Variants in ARMC2 observed in about 807,000 individuals in gnomAD.
ARMC2 encodes armadillo repeat-containing protein 2.
In ARMC2, 67 loss-of-function variants were observed where a neutral mutation model predicts 90.3. The observed-to-expected ratio is 0.74, with a 90% CI of 0.61 to 0.91. ARMC2 has a LOEUF of 0.91. ARMC2 is among the 40% of genes least tolerant of loss of function. ARMC2 has a pLI of 0.00. For missense variants in ARMC2, 920 were observed against 1,030.9 expected (o/e 0.89, Z 1.47); for synonymous variants, 393 against 393.0 (o/e 1.00, Z 0.00).
chr6:108,872,470 C>G (rs1039654015), intron 4 of ARMC2, among the ~76,000 whole-genome samples: 4 of 152,188 alleles, frequency 2.6e-5, no homozygotes. Context: ...GCCATGCTGC[C>G]TCCATCCCTC....
chr6:108,898,297 C>T (rs1448538132), intron 6 of ARMC2, among the ~76,000 whole-genome samples: 3 of 152,194 alleles, frequency 2.0e-5, no homozygotes, highest in Non-Finnish European at 2.9e-5. Flanking sequence ...TCTCTCTCTT[C>T]CAACCTCTCA....
the ARMC2 span, chr6:109,002,398 A>G: frequency 7.1e-7 from 1 of 1,415,090 alleles, no homozygotes; most frequent in Non-Finnish European, 1.0e-6. Context: ...AAATGAACTG[A>G]GGCTAAAGGA....
In ARMC2 at chr6:108,974,394, A is replaced by G. The variant is rs1272766004; in HGVS notation, c.*880A>G. 1 of 152,258 alleles carries G rather than the reference A, an allele frequency of 6.6e-6. No homozygotes were observed. Among genetic ancestry groups the G allele is most frequent in the African/African-American group, 2.4e-5 (1 of 41,472 alleles). The allele number at this position is 152,258 out of a possible 1,614,324, so 9.4% of individuals were successfully genotyped here. On this transcript the variant is annotated 3_prime_UTR_variant, in exon 18 of 18. Coordinates refer to ENST00000392644, the MANE Select transcript of ARMC2 (RefSeq NM_032131.6). ...TATCATGTGGAGTGGGTGTTCAAGAACATTATGATGGCAAGCACTTTCTTA... is the reference window on the plus strand; with the variant it reads ...TATCATGTGGAGTGGGTGTTCAAGAGCATTATGATGGCAAGCACTTTCTTA...
chr6:108,850,123 T>C (rs1188193227), intron 1 of ARMC2, among the ~76,000 whole-genome samples: 2 of 152,182 alleles, frequency 1.3e-5, no homozygotes, highest in Non-Finnish European at 2.9e-5. Context: ...GTTATAAACT[T>C]CTATAAATTA....
the ARMC2 span, among the ~76,000 whole-genome samples, chr6:108,986,004 C>CACACT: frequency 1.3e-5 from 2 of 152,132 alleles, no homozygotes; most frequent in African/African-American, 2.4e-5. Flanking sequence ...CCCCTACTTC[C>CACACT]ACACTACCCC....
chr6:109,047,958 G>A, the ARMC2 span, among the ~76,000 whole-genome samples: 23 of 146,900 alleles, frequency 1.6e-4, no homozygotes, highest in African/African-American at 4.2e-4. Flanking sequence ...CAAACACTGC[G>A]GAAGGCCACA....
At chr6:108,906,109 T>A (rs12175050) in intron 8 of ARMC2, among the ~76,000 whole-genome samples, 1 of 152,192 alleles carries the variant, frequency 6.6e-6, no homozygotes, top group Non-Finnish European at 1.5e-5. Context: ...TACTGGCAAA[T>A]GAAAGTTTTC....
rs569923420 is a variant in ARMC2 at position 108,949,002 on chromosome 6, A to G, written c.1597-4031A>G. Among the ~76,000 whole-genome samples, 10 of 152,288 alleles carry G rather than the reference A, an allele frequency of 6.6e-5. No individual in the cohort carries two copies. The South Asian group carries it at 1.9e-3, about 28-fold the overall frequency. On this transcript the variant is annotated intron_variant, in intron 12 of 17. Coordinates refer to ENST00000392644, the MANE Select transcript of ARMC2 (RefSeq NM_032131.6). ...GAGAAAAGCAAGACCAGGTAGATGG[A>G]GGTGAAACGGCAAGGCCTAGGAAGA...
intron 12 of ARMC2, among the ~76,000 whole-genome samples, chr6:108,947,025 A>G (rs1045634816): frequency 3.3e-5 from 5 of 152,168 alleles, no homozygotes; most frequent in Non-Finnish European, 7.4e-5. Flanking sequence ...TAGGCAGTAG[A>G]TGTTTTTGAG....
intron 11 of ARMC2, among the ~76,000 whole-genome samples, chr6:108,934,136 C>T (rs922642236): frequency 3.3e-5 from 5 of 152,208 alleles, no homozygotes; most frequent in African/African-American, 1.2e-4. Context: ...TGCTGGATTA[C>T]AGGCGTGAGC....
chr6:108,905,050 A>G (rs1217144840), intron 8 of ARMC2, among the ~76,000 whole-genome samples: 2 of 152,226 alleles, frequency 1.3e-5, no homozygotes, highest in African/African-American at 4.8e-5. Context: ...TCACAGCCAT[A>G]AACAGTTGGA....
chr6:108,970,955 G>T (rs889078839), intron 17 of ARMC2, among the ~76,000 whole-genome samples: 3 of 152,100 alleles, frequency 2.0e-5, no homozygotes, highest in Non-Finnish European at 4.4e-5. Flanking sequence ...GGGCGCTGTG[G>T]CTCACACCTG....
the ARMC2 span, among the ~76,000 whole-genome samples, chr6:108,990,130 A>G: frequency 6.6e-6 from 1 of 152,254 alleles, no homozygotes; most frequent in African/African-American, 2.4e-5. Flanking sequence ...AAGGTGGTAT[A>G]CAATGACTGC....
At chr6:108,919,409 A>T (rs1368057993) in intron 10 of ARMC2, among the ~76,000 whole-genome samples, 2 of 152,212 alleles carry the variant, frequency 1.3e-5, no homozygotes, top group Non-Finnish European at 2.9e-5. Flanking sequence ...CCAAGGTAGC[A>T]GTGTCTACCA....
In ARMC2 at chr6:108,912,354, A is replaced by G. The variant is rs551586814; in HGVS notation, c.1146A>G (p.Leu382=). ...TGACAGAATCATTATTGGAGGTACT[A>G]AGAAGTGAAGACCTGCAAACTAACA... ...DSILESLLEV[L]RSEDLQTNME... Residue 382 remains leucine, a synonymous_variant, in exon 10 of 18, where the codon CTA becomes CTG. Coordinates refer to ENST00000392644, the MANE Select transcript of ARMC2 (RefSeq NM_032131.6). 1 of 1,607,130 alleles carries G rather than the reference A, an allele frequency of 6.2e-7. No individual in the cohort carries two copies. Among genetic ancestry groups the G allele is most frequent in the East Asian group, 2.2e-5 (1 of 44,820 alleles).
chr6:108,907,974 T>C, intron 8 of ARMC2: 1 of 1,034,668 alleles, frequency 9.7e-7, no homozygotes, highest in Non-Finnish European at 1.4e-6. Flanking sequence ...CATTAAACAT[T>C]TATTAAGGTT....
chr6:108,909,800 C>T (rs1773225675), intron 8 of ARMC2, among the ~76,000 whole-genome samples: 1 of 152,166 alleles, frequency 6.6e-6, no homozygotes. Flanking sequence ...TCCCAAAGTG[C>T]TGGGATTATA....
At chr6:108,908,241 C>T (rs1485334529) in intron 8 of ARMC2, among the ~76,000 whole-genome samples, 5 of 152,156 alleles carry the variant, frequency 3.3e-5, no homozygotes, top group East Asian at 1.9e-4. Flanking sequence ...AAAGTGTGAA[C>T]GACAACACCA....
intron 13 of ARMC2, among the ~76,000 whole-genome samples, chr6:108,960,280 C>A (rs577070699): frequency 3.9e-5 from 6 of 152,204 alleles, no homozygotes; most frequent in African/African-American, 1.4e-4. Context: ...GTCTCCACTC[C>A]GCCACATCTC....
Sources: allele counts gnomAD v4.1 joint callset (sites outside exome capture counted in the v4.1 genomes callset), GRCh38; gene constraint gnomAD v4.1.1; transcripts MANE v1.5; gene names NCBI Gene and HGNC (gene_info 2026-07-23, HGNC 2026-07-21).